The following SOS1 variants were observed in gnomAD, a reference collection of about 807,000 sequenced individuals.
SOS1 encodes SOS Ras/Rac guanine nucleotide exchange factor 1, also known as son of sevenless homolog 1.
Under a neutral mutation model 157.6 loss-of-function variants are expected in SOS1, and 25 were observed. The observed-to-expected ratio is 0.16, with a 90% CI of 0.12 to 0.22. The LOEUF is 0.22. SOS1 is among the 10% of genes least tolerant of loss of function. The pLI is 1.00. For missense variants in SOS1, 1,237 were observed against 1,599.1 expected (o/e 0.77, Z 3.86); for synonymous variants, 528 against 534.0 (o/e 0.99, Z 0.16).
At position 39,022,654 on chromosome 2, in the gene SOS1, T is replaced by G. The variant is rs1669833901; in HGVS notation, c.1774A>C (p.Met592Leu). ...SEENIIFEEN[M>L]QPKAGIPIIK... ...ATTGGAATTCCAGCCTTGGGCTGCATGTTCTCTTCAAATATAATATTCTCT... is the reference window on the plus strand; with the variant it reads ...ATTGGAATTCCAGCCTTGGGCTGCAGGTTCTCTTCAAATATAATATTCTCT... Residue 592 changes from methionine (M) to leucine (L), a missense_variant, in exon 10 of 23, where the codon ATG (methionine) becomes CTG (leucine). Around this residue, in one of 15 missense-constraint regions of SOS1, gnomAD observed 210 missense variants for 220.2 expected, o/e 0.95. Transcript: ENST00000402219. 6.2e-7 allele frequency: 1 copy of G among 1,613,258 alleles called. No homozygotes were observed.
chr2:39,043,718 A>C (rs1223581497), intron 6 of SOS1, among the ~76,000 whole-genome samples: 16 of 152,338 alleles, frequency 1.1e-4, no homozygotes. Flanking sequence ...GAACTACAGC[A>C]TGTCAGCTCA....
At chr2:39,027,541 C>A (rs1248429879) in intron 8 of SOS1, among the ~76,000 whole-genome samples, 1 of 152,114 alleles carries the variant, frequency 6.6e-6, no homozygotes, top group Non-Finnish European at 1.5e-5. Context: ...GGCACTGGTG[C>A]AATATAATTC....
intron 8 of SOS1, among the ~76,000 whole-genome samples, chr2:39,024,361 A>G (rs909366168): frequency 6.6e-6 from 1 of 152,176 alleles, no homozygotes; most frequent in African/African-American, 2.4e-5. Flanking sequence ...AAGATGGGTT[A>G]TATCTTGTGA....
intron 20 of SOS1, chr2:38,993,501 G>A (rs1029988944): frequency 1.3e-5 from 2 of 152,026 alleles, no homozygotes; most frequent in African/African-American, 4.8e-5. Flanking sequence ...AAAGACTACT[G>A]GGTAACTACA....
intron 1 of SOS1, among the ~76,000 whole-genome samples, chr2:39,084,178 C>T (rs976007772): frequency 6.6e-6 from 1 of 152,104 alleles, no homozygotes; most frequent in Non-Finnish European, 1.5e-5. Flanking sequence ...GTTGTTTAAG[C>T]CACTTAGTCT....
At chr2:39,071,345 T>C (rs1441177716) in intron 1 of SOS1, among the ~76,000 whole-genome samples, 2 of 152,190 alleles carry the variant, frequency 1.3e-5, no homozygotes, top group Non-Finnish European at 2.9e-5. Context: ...CCATGGACCA[T>C]ATCTACTTAT....
At chr2:38,993,235 T>C (rs1017434544) in intron 20 of SOS1, among the ~76,000 whole-genome samples, 4 of 152,072 alleles carry the variant, frequency 2.6e-5, no homozygotes, top group African/African-American at 4.8e-5. Context: ...TCACAGCTCA[T>C]TGCAGCCTCA....
At chr2:39,094,383 C>G (rs1272087090) in intron 1 of SOS1, among the ~76,000 whole-genome samples, 1 of 152,100 alleles carries the variant, frequency 6.6e-6, no homozygotes, top group African/African-American at 2.4e-5. Context: ...TGCAGTAGCT[C>G]ACGCCTGTAA....
intron 6 of SOS1, among the ~76,000 whole-genome samples, chr2:39,048,994 T>C (rs563112326): frequency 1.8e-4 from 28 of 152,250 alleles, no homozygotes; most frequent in African/African-American, 6.7e-4. Flanking sequence ...CTCGGCTCAC[T>C]GCAGTCTCCA....
chr2:39,057,484 A>G (rs1347161164), intron 3 of SOS1, among the ~76,000 whole-genome samples: 1 of 152,138 alleles, frequency 6.6e-6, no homozygotes, highest in Non-Finnish European at 1.5e-5. Flanking sequence ...TTCATACAGA[A>G]TAACAAATTC....
chr2:39,040,669 T>C (rs979625252), intron 6 of SOS1, among the ~76,000 whole-genome samples: 1 of 152,258 alleles, frequency 6.6e-6, no homozygotes, highest in Non-Finnish European at 1.5e-5. Flanking sequence ...TATCCATTTT[T>C]AAGCTGAATT....
intron 1 of SOS1, among the ~76,000 whole-genome samples, chr2:39,102,230 A>AAAAAAAAAAAG (rs1553370166): frequency 7.0e-6 from 1 of 142,860 alleles, no homozygotes; most frequent in African/African-American, 2.7e-5. Flanking sequence ...AAAAAAAAAA[A>AAAAAAAAAAAG]GTGCCACTTT....
intron 2 of SOS1, among the ~76,000 whole-genome samples, chr2:39,063,428 A>G (rs548330671): frequency 2.8e-4 from 42 of 152,364 alleles, no homozygotes; most frequent in Non-Finnish European, 5.0e-4. Flanking sequence ...ATCTTCAGGC[A>G]GCAGCCTGCA....
At chr2:39,121,209 C>T (rs1307338469), upstream of SOS1, among the ~76,000 whole-genome samples, 1 of 152,096 alleles carries the variant, frequency 6.6e-6, no homozygotes, top group Non-Finnish European at 1.5e-5. Flanking sequence ...GGCGAAGGGG[C>T]CCGAGAAGTC....
At chr2:39,096,452 T>C (rs1672764728) in intron 1 of SOS1, among the ~76,000 whole-genome samples, 1 of 152,214 alleles carries the variant, frequency 6.6e-6, no homozygotes, top group Non-Finnish European at 1.5e-5. Flanking sequence ...AAATTATTTA[T>C]CAGGCTATAT....
intron 8 of SOS1, among the ~76,000 whole-genome samples, chr2:39,030,246 A>AG (rs1670111383): frequency 6.7e-6 from 1 of 148,504 alleles, no homozygotes; most frequent in African/African-American, 2.5e-5. Context: ...AGAAAACAGA[A>AG]AAAAAAAAAA....
intron 9 of SOS1, 102 bp from the exon 10 acceptor site, chr2:39,023,327 G>T: frequency 2.5e-6 from 2 of 810,148 alleles, no homozygotes; most frequent in Non-Finnish European, 2.0e-6. Flanking sequence ...AAGTCTCACT[G>T]AGAAGGTATT....
At chr2:39,067,197 AGAGAT>A (rs1274763671) in intron 2 of SOS1, among the ~76,000 whole-genome samples, 1 of 152,040 alleles carries the variant, frequency 6.6e-6, no homozygotes. Flanking sequence ...AATTTTTTTT[AGAGAT>A]GGGGTCTCAC....
At chr2:39,116,838 T>C (rs1673668269) in intron 1 of SOS1, among the ~76,000 whole-genome samples, 1 of 152,040 alleles carries the variant, frequency 6.6e-6, no homozygotes, top group Non-Finnish European at 1.5e-5. Context: ...TAAGACTCTG[T>C]CTCAAAACAA....
Sources: gnomAD v4.1 joint callset for allele counts (sites outside exome capture counted in the v4.1 genomes callset) on GRCh38, gnomAD v4.1.1 for gene constraint, gnomAD v4.1.1 regional missense constraint, MANE v1.5 for transcripts, NCBI Gene and HGNC (gene_info 2026-07-23, HGNC 2026-07-21) for gene names.